Variants in USH2A observed in about 807,000 individuals in gnomAD.
USH2A encodes usherin, also known as Usher syndrome 2A (autosomal recessive, mild).
A neutral mutation model predicts 538.9 loss-of-function variants in USH2A; 443 were observed. The ratio of observed to expected loss-of-function variants is 0.82; its 90% CI spans 0.76 to 0.89. USH2A has a LOEUF of 0.89. USH2A is among the 40% of genes least tolerant of loss of function. USH2A has a pLI of 0.00. For synonymous variants in USH2A, 2,413 were observed against 2,273.5 expected, an observed-to-expected ratio of 1.06 and a Z score of -1.75; for missense variants, 6,633 against 6,324.8, an observed-to-expected ratio of 1.05 and a Z score of -1.65.
chr1:216,251,443 T>C (rs931016661), intron 11 of USH2A, among the ~76,000 whole-genome samples: 23 of 24,918 alleles, frequency 9.2e-4, no homozygotes, highest in African/African-American at 1.6e-3. Flanking sequence ...CCACTTCCCC[T>C]TTTTTTTTTT....
chr1:216,048,799 AT>A, intron 30 of USH2A, 152 bp from the exon 31 acceptor site: 1 of 763,370 alleles, frequency 1.3e-6, no homozygotes, highest in Admixed American at 2.1e-5. Flanking sequence ...TCTTTCAGTC[AT>A]TTTCCTCCCT....
intron 47 of USH2A, among the ~76,000 whole-genome samples, chr1:215,826,933 A>G (rs187915881): frequency 5.9e-5 from 9 of 152,354 alleles, no homozygotes; most frequent in Non-Finnish European, 1.2e-4. Context: ...GGGATTAAAA[A>G]TACTTCAAAG....
At chr1:216,250,656 C>T (rs899738907) in intron 12 of USH2A, among the ~76,000 whole-genome samples, 2 of 152,110 alleles carry the variant, frequency 1.3e-5, no homozygotes, top group African/African-American at 4.8e-5. Context: ...AGTATGGGAC[C>T]ATGGGAATTA....
At chr1:215,784,989 A>C (rs1321017070) in intron 52 of USH2A, among the ~76,000 whole-genome samples, 1 of 152,230 alleles carries the variant, frequency 6.6e-6, no homozygotes, top group East Asian at 1.9e-4. Context: ...CATGACTTAA[A>C]TCTATAACTG....
chr1:215,623,524 A>G lies in USH2A; in HGVS notation c.*2257T>C, dbSNP rs1655879406. ...TTGTATAATAGAGGCTTGGCACGCAATACCACTTAAAGTAGCAAAGCAACA... is the reference window on the plus strand; with the variant it reads ...TTGTATAATAGAGGCTTGGCACGCAGTACCACTTAAAGTAGCAAAGCAACA... On this transcript the variant is annotated 3_prime_UTR_variant, in exon 72 of 72. Coordinates refer to ENST00000307340, the MANE Select transcript of USH2A (RefSeq NM_206933.4). 3 of 152,134 alleles carry G rather than the reference A, an allele frequency of 2.0e-5. No individual in the cohort carries two copies. The highest frequency in any genetic ancestry group is 7.2e-5 in the African/African-American group (3 of 41,578). The allele number at this position is 152,134 out of a possible 1,614,324, so 9.4% of individuals were successfully genotyped here. A position where few individuals can be genotyped will look rare whatever the true frequency, so the allele number is the denominator to read the frequency against.
At chr1:215,975,913 T>C (rs1440254899) in intron 35 of USH2A, among the ~76,000 whole-genome samples, 1 of 152,202 alleles carries the variant, frequency 6.6e-6, no homozygotes. Flanking sequence ...TTGGGCACTA[T>C]GGCCATTTTA....
At chr1:215,875,931 TTATA>T (rs1169974405) in intron 43 of USH2A, among the ~76,000 whole-genome samples, 1 of 146,224 alleles carries the variant, frequency 6.8e-6, no homozygotes, top group African/African-American at 2.5e-5. Flanking sequence ...ATATTGATTA[TTATA>T]TATAATTAAT....
Position 215,867,010 on chromosome 1 carries a change from G to A in USH2A, c.8842C>T (p.Pro2948Ser), listed in dbSNP as rs142315587. Residue 2948 changes from proline (P) to serine (S), a missense_variant, in exon 44 of 72, where the codon CCA becomes TCA. By Grantham distance (74) the Pro-to-Ser change is moderately conservative. Transcript: ENST00000307340. ...HTAIDVRWAKPTVQDLQGEVE... is the reference protein window; with the variant it reads ...HTAIDVRWAKSTVQDLQGEVE... ...CAGGTATGAGAAGCTTACTTACTTG[G>A]TTTAGCCCACCTCACGTCGATGGCT... 7 of 1,614,012 alleles carry A rather than the reference G, an allele frequency of 4.3e-6. No homozygotes were observed. In the African/African-American group the frequency reaches 9.3e-5, roughly 22 times the overall value.
At chr1:216,235,719 C>T (rs922082511) in intron 13 of USH2A, among the ~76,000 whole-genome samples, 3 of 152,178 alleles carry the variant, frequency 2.0e-5, no homozygotes, top group South Asian at 2.1e-4. Flanking sequence ...AACAACTAGG[C>T]TTTGCCAAGG....
Position 215,741,458 on chromosome 1 carries a change from C to A in USH2A, c.11628G>T (p.Lys3876Asn). Residue 3876 changes from lysine to asparagine, a missense_variant, in exon 60 of 72, where the codon AAG becomes AAT. By Grantham distance (94) the Lys-to-Asn change is moderately conservative. Coordinates refer to ENST00000307340, the MANE Select transcript of USH2A (RefSeq NM_206933.4). The stretch of plus-strand genomic sequence containing the variant: ...TCTCTATGCAAGCTGACCCCAGTGC[C>A]TTAAGAACAGGAGAATTAAGATCCA... Reference protein sequence around the residue: ...APMDLNSPVLKALGSACIEIK... With the variant: ...APMDLNSPVLNALGSACIEIK... The A allele has an allele frequency of 6.2e-7, 1 of 1,613,692 alleles. No individual in the cohort carries two copies.
chr1:215,743,144 A>G (rs956622068), intron 59 of USH2A, 33 bp downstream of exon 59: 1 of 1,603,380 alleles, frequency 6.2e-7, no homozygotes, highest in African/African-American at 1.3e-5. Context: ...CTTTTTCATA[A>G]AAGCCCAGGC....
At chr1:215,862,940 T>C (rs1571758607) in intron 44 of USH2A, among the ~76,000 whole-genome samples, 1 of 152,122 alleles carries the variant, frequency 6.6e-6, no homozygotes, top group Admixed American at 6.6e-5. Context: ...ATGTTGGCGG[T>C]TGTCATTTTT....
At chr1:216,149,047 G>T (rs1172559947) in intron 21 of USH2A, among the ~76,000 whole-genome samples, 4 of 151,932 alleles carry the variant, frequency 2.6e-5, no homozygotes, top group African/African-American at 9.7e-5. Flanking sequence ...TCAAACCCAA[G>T]CACCTTCTAC....
chr1:215,627,363 C>T (rs1656067040), intron 71 of USH2A, among the ~76,000 whole-genome samples: 2 of 137,504 alleles, frequency 1.5e-5, no homozygotes, highest in Non-Finnish European at 3.2e-5. Flanking sequence ...TTCTTTCTCT[C>T]CCTCCCTCCC....
chr1:215,964,937 T>C (rs1667300425), intron 37 of USH2A, among the ~76,000 whole-genome samples: 1 of 152,190 alleles, frequency 6.6e-6, no homozygotes, highest in African/African-American at 2.4e-5. Context: ...ACTCTTTGCA[T>C]ACACGATGTT....
chr1:216,181,452 A>G (rs1295553340), intron 20 of USH2A, among the ~76,000 whole-genome samples: 1 of 152,112 alleles, frequency 6.6e-6, no homozygotes, highest in African/African-American at 2.4e-5. Context: ...TTAGCATGGC[A>G]TACAAATATG....
chr1:216,181,057 C>A (rs1014695855), intron 20 of USH2A, among the ~76,000 whole-genome samples: 1 of 151,990 alleles, frequency 6.6e-6, no homozygotes, highest in African/African-American at 2.4e-5. Context: ...TATTATCTGA[C>A]CAGGGAAGAA....
In USH2A at chr1:216,200,114, T is replaced by C. The variant is rs1416310336; in HGVS notation, c.3324A>G (p.Gln1108=). 7 of 1,610,468 alleles carry C rather than the reference T, an allele frequency of 4.3e-6. No homozygotes were observed. The East Asian group carries it at 6.7e-5, about 15-fold the overall frequency. ...TTEDQYPYSI[Q]YFLDTDLLPY... ...GTAACAGGTCTGTGTCTAAGAAGTATTGAATACCTGAAATGAAAAGAAAAA... is the reference window on the plus strand; with the variant it reads ...GTAACAGGTCTGTGTCTAAGAAGTACTGAATACCTGAAATGAAAAGAAAAA... The change falls in exon 17 of 72, where the codon CAA becomes CAG. Residue 1108 remains glutamine, a synonymous_variant. Transcript: ENST00000307340.
In USH2A at chr1:216,199,617, G is replaced by T. The variant is rs769756794; in HGVS notation, c.3811+10C>A. On this transcript the variant is annotated intron_variant, in intron 17 of 71. Transcript: ENST00000307340. ...GACCAAAAAGGGGAATCTCAGCCTT[G>T]GATTCTTACCATTTAGTTCCGCTGG... 1.7e-5 allele frequency: 28 copies of T among 1,613,618 alleles called. No individual in the cohort carries two copies. In the East Asian group the frequency reaches 6.0e-4, roughly 35 times the overall value.
Sources: gnomAD v4.1 joint callset for allele counts (sites outside exome capture counted in the v4.1 genomes callset) on GRCh38, gnomAD v4.1.1 for gene constraint, MANE v1.5 for transcripts, NCBI Gene and HGNC (gene_info 2026-07-23, HGNC 2026-07-21) for gene names.